CPNE4: variants seen among roughly 807,000 people sequenced by gnomAD.
The protein encoded by CPNE4 is copine 4.
In CPNE4, 25 loss-of-function variants were observed where a neutral mutation model predicts 67.9. The ratio of observed to expected loss-of-function variants is 0.37; its 90% CI spans 0.27 to 0.51. CPNE4 has a LOEUF of 0.51. CPNE4 is among the 20% of genes least tolerant of loss of function. CPNE4 has a pLI of 0.93. For synonymous variants in CPNE4, 242 were observed against 244.9 expected (o/e 0.99, Z 0.11); for missense variants, 464 against 690.8 (o/e 0.67, Z 3.68).
At chr3:131,686,148 A>G (rs1875618) in intron 5 of CPNE4, among the ~76,000 whole-genome samples, 190 bp from the exon 6 acceptor site, 143,633 of 152,236 alleles carry the variant, frequency 0.94, 68,177 homozygotes, top group Middle Eastern at 0.98. Flanking sequence ...TGTGATCATG[A>G]GCCCCACCCT....
intron 3 of CPNE4, among the ~76,000 whole-genome samples, chr3:131,708,015 A>C (rs776775528): frequency 3.3e-5 from 5 of 152,208 alleles, no homozygotes; most frequent in Non-Finnish European, 7.3e-5. Flanking sequence ...ATGTTTGGGA[A>C]ATGCTATTTT....
chr3:131,974,866 G>A (rs889941681), intron 1 of CPNE4, among the ~76,000 whole-genome samples: 3 of 152,070 alleles, frequency 2.0e-5, no homozygotes, highest in East Asian at 1.9e-4. Context: ...AAATTAGCCC[G>A]GCGTGGTGGT....
intron 1 of CPNE4, among the ~76,000 whole-genome samples, chr3:131,915,484 T>C (rs182656744): frequency 2.8e-4 from 43 of 152,330 alleles, no homozygotes; most frequent in African/African-American, 1.0e-3. Context: ...TGAGGAGTTA[T>C]AGATGGTGGA....
At chr3:131,935,585 T>C (rs1387729190) in intron 1 of CPNE4, among the ~76,000 whole-genome samples, 2 of 152,164 alleles carry the variant, frequency 1.3e-5, no homozygotes, top group East Asian at 1.9e-4. Flanking sequence ...AAATGAAACA[T>C]TTTCTAGGAT....
At chr3:131,993,481 A>AAAAAAAAAAAAAAAAAAAAAAAAAAAAAC (rs2073219144) in intron 1 of CPNE4, among the ~76,000 whole-genome samples, 1 of 130,296 alleles carries the variant, frequency 7.7e-6, no homozygotes, top group African/African-American at 2.5e-5. Flanking sequence ...GCAAAAAAAA[A>AAAAAAAAAAAAAAAAAAAAAAAAAAAAAC]AAAAAAAAGC....
chr3:131,751,765 T>TG (rs941056082), intron 2 of CPNE4, among the ~76,000 whole-genome samples: 26 of 66,418 alleles, frequency 3.9e-4, no homozygotes, highest in African/African-American at 1.5e-3. Context: ...TGTTTAGCTG[T>TG]TTTTTTTTTG....
At chr3:131,557,557 C>T (rs1264091742) in intron 11 of CPNE4, among the ~76,000 whole-genome samples, 5 of 151,986 alleles carry the variant, frequency 3.3e-5, no homozygotes, top group South Asian at 2.1e-4. Flanking sequence ...TCTTTGAAAT[C>T]GAAGTCTAAA....
chr3:131,994,759 T>C (rs986525696), intron 1 of CPNE4, among the ~76,000 whole-genome samples: 1 of 152,140 alleles, frequency 6.6e-6, no homozygotes, highest in Non-Finnish European at 1.5e-5. Flanking sequence ...ACTGGGGAGA[T>C]GGATAAAACA....
rs183493802 is a variant in CPNE4, at chr3:131,801,517, A to T, written c.181-77892T>A. Among the ~76,000 whole-genome samples the T allele has an allele frequency of 1.2e-3, 164 of 140,924 alleles. 4 individuals are homozygous for T. In the East Asian group the frequency reaches 0.028, roughly 24 times the overall value. The allele number at this position is 140,924 out of a possible 152,430, so 92.5% of individuals were successfully genotyped here. The stretch of plus-strand genomic sequence containing the variant: ...AGAGTTGAATCTATACGATTAGGGT[A>T]AAAAAAAAGTTGCCTTGTGACCTTA... On this transcript the variant is annotated intron_variant, in intron 2 of 15. Coordinates refer to ENST00000429747, the MANE Select transcript of CPNE4 (RefSeq NM_130808.3).
intron 1 of CPNE4, among the ~76,000 whole-genome samples, chr3:131,942,453 TGTGTGTGTGTGAGAGAGAGA>T (rs2071419188): frequency 1.6e-5 from 1 of 62,272 alleles, no homozygotes; most frequent in South Asian, 4.7e-4. Flanking sequence ...TGTGTGTGTG[TGTGTGTGTGTGAGAGAGAGA>T]GAGAGAGAGA....
chr3:131,541,908 C>T (rs555603647), intron 15 of CPNE4, among the ~76,000 whole-genome samples: 1 of 152,116 alleles, frequency 6.6e-6, no homozygotes, highest in African/African-American at 2.4e-5. Flanking sequence ...TGACCTCAGG[C>T]GATACACCCA....
chr3:132,029,544 T>A (rs1190696297), intron 1 of CPNE4, among the ~76,000 whole-genome samples: 2 of 152,154 alleles, frequency 1.3e-5, no homozygotes, highest in African/African-American at 4.8e-5. Context: ...CTCCTAGGGC[T>A]TGCCCTGCCG....
chr3:131,540,051 G>A (rs1935387876), intron 15 of CPNE4, among the ~76,000 whole-genome samples: 1 of 152,130 alleles, frequency 6.6e-6, no homozygotes, highest in Admixed American at 6.5e-5. Context: ...TTTCATTAAT[G>A]AGTACCTTTA....
chr3:131,994,927 T>TA, intron 1 of CPNE4, among the ~76,000 whole-genome samples: 1 of 152,302 alleles, frequency 6.6e-6, no homozygotes, highest in South Asian at 2.1e-4. Context: ...AATTTTTTAA[T>TA]AAAAATGTAT....
At chr3:131,897,282 T>C (rs572163009) in intron 2 of CPNE4, among the ~76,000 whole-genome samples, 11 of 152,234 alleles carry the variant, frequency 7.2e-5, no homozygotes, top group African/African-American at 2.4e-4. Context: ...CCTGAACATA[T>C]ACATTTCCTA....
intron 1 of CPNE4, among the ~76,000 whole-genome samples, chr3:131,966,562 T>A (rs945189754): frequency 1.3e-5 from 2 of 151,960 alleles, no homozygotes; most frequent in African/African-American, 2.4e-5. Flanking sequence ...CCCACAGAAA[T>A]ACAAACTATC....
chr3:131,988,542 C>T lies in CPNE4; in HGVS notation c.-2+46025G>A, dbSNP rs182155343. Among the ~76,000 whole-genome samples the T allele has an allele frequency of 8.9e-4, 136 of 152,216 alleles. 1 individual carries two copies. Among genetic ancestry groups the T allele is most frequent in the Admixed American group, 1.1e-3 (17 of 15,292 alleles). On this transcript the variant is annotated intron_variant, in intron 1 of 15. Transcript: ENST00000429747. The stretch of plus-strand genomic sequence containing the variant: ...TGGAGACAGAAATGGGCCTAGTTTA[C>T]GGATATTCATGTAGGAATATAGACA...
intron 2 of CPNE4, among the ~76,000 whole-genome samples, chr3:131,882,628 G>C (rs567429491): frequency 6.6e-6 from 1 of 151,182 alleles, no homozygotes; most frequent in African/African-American, 2.4e-5. Context: ...AGACACTATT[G>C]TGCATTAAAT....
At chr3:131,736,784 C>G (rs2082244689) in intron 2 of CPNE4, among the ~76,000 whole-genome samples, 1 of 152,152 alleles carries the variant, frequency 6.6e-6, no homozygotes, top group South Asian at 2.1e-4. Context: ...TAGACTATCA[C>G]AGATGATATC....
Sources: allele counts gnomAD v4.1 joint callset (sites outside exome capture counted in the v4.1 genomes callset), GRCh38; gene constraint gnomAD v4.1.1; transcripts MANE v1.5; gene names NCBI Gene and HGNC (gene_info 2026-07-23, HGNC 2026-07-21).